The following GSAP variants were observed in gnomAD, a reference collection of about 807,000 sequenced individuals.
GSAP encodes the protein gamma-secretase-activating protein.
In GSAP, 118 loss-of-function variants were observed where a neutral mutation model predicts 131.7. The ratio of observed to expected loss-of-function variants is 0.90; its 90% CI spans 0.77 to 1.04. GSAP has a LOEUF of 1.04. GSAP is among the 50% of genes least tolerant of loss of function. GSAP has a pLI of 0.00. For missense variants in GSAP, 1,019 were observed against 1,013.2 expected (o/e 1.01, Z -0.08); for synonymous variants, 381 against 363.4 (o/e 1.05, Z -0.55).
chr7:77,378,045 T>C (rs752455952), intron 8 of GSAP, among the ~76,000 whole-genome samples: 8 of 152,360 alleles, frequency 5.3e-5, no homozygotes, highest in East Asian at 1.9e-4. Flanking sequence ...CAATGGTGCA[T>C]TGGCATGCTG....
intron 16 of GSAP, 91 bp from the exon 17 acceptor site, chr7:77,353,732 A>T: frequency 2.7e-6 from 2 of 732,670 alleles, no homozygotes; most frequent in Non-Finnish European, 4.7e-6. Context: ...AATCTTTTGC[A>T]TTCTATACCT....
chr7:77,388,566 C>A (rs1255170997), intron 5 of GSAP, among the ~76,000 whole-genome samples: 2 of 152,126 alleles, frequency 1.3e-5, no homozygotes, highest in Non-Finnish European at 2.9e-5. Flanking sequence ...CCCCTTCCCC[C>A]AAGATTACAC....
chr7:77,381,392 A>C, intron 7 of GSAP, 38 bp from the exon 8 acceptor site: 1 of 1,130,556 alleles, frequency 8.8e-7, no homozygotes, highest in Non-Finnish European at 1.3e-6. Context: ...TTTAACCTTA[A>C]GGAAATATAT....
In GSAP at chr7:77,406,008, TA is replaced by T; in HGVS notation, c.186+20del. 2 of 852,242 alleles carry T rather than the reference TA, an allele frequency of 2.3e-6. No homozygotes were observed. Among genetic ancestry groups the T allele is most frequent in the East Asian group, 5.6e-5 (1 of 17,742 alleles). 52.8% of individuals were successfully genotyped at this position (852,242 alleles called of 1,614,324 possible). A position where few individuals can be genotyped will look rare whatever the true frequency, so the allele number is the denominator to read the frequency against. ...CAGTAAATTTTACATCTTACCACAA[TA>T]AAAAAGAATATAGACATACCTTATA... is the stretch of plus-strand genomic sequence containing the variant. On this transcript the variant is annotated intron_variant, in intron 2 of 30. Coordinates refer to ENST00000257626, the MANE Select transcript of GSAP (RefSeq NM_017439.4).
At position 77,377,400 on chromosome 7, in the gene GSAP, C is replaced by CAAAAAAAAAAAAAAAAA; in HGVS notation, c.577-27_577-11dup. The CAAAAAAAAAAAAAAAAA allele has an allele frequency of 2.5e-6, 3 of 1,182,870 alleles. No homozygotes were observed. The highest frequency in any genetic ancestry group is 3.7e-5 in the East Asian group (1 of 27,078). 73.3% of individuals were successfully genotyped at this position (1,182,870 alleles called of 1,614,324 possible). On this transcript the variant is annotated splice_polypyrimidine_tract_variant and intron_variant, in intron 8 of 30. Coordinates refer to ENST00000257626, the MANE Select transcript of GSAP (RefSeq NM_017439.4). ...CAGAATTTTTAATCACCTAAAAATG[C>CAAAAAAAAAAAAAAAAA]AAAAAAAAAAAAAAAAAAAAAAGTA...
Position 77,310,819 on chromosome 7 carries a change from A to G in GSAP, c.*539T>C, listed in dbSNP as rs1179811581. 1 of 137,308 alleles carries G rather than the reference A, an allele frequency of 7.3e-6. No homozygotes were observed. The highest frequency in any genetic ancestry group is 1.7e-5 in the Non-Finnish European group (1 of 59,452). The allele number at this position is 137,308 out of a possible 1,614,324, so 8.5% of individuals were successfully genotyped here. Reference sequence around the variant, plus strand: ...CAACCTTTTATAAATAAAAAAAAATAAATATGTTTCATCTGAATTCACAAA... The same window carrying G: ...CAACCTTTTATAAATAAAAAAAAATGAATATGTTTCATCTGAATTCACAAA... On this transcript the variant is annotated 3_prime_UTR_variant, in exon 31 of 31. Coordinates refer to ENST00000257626, the MANE Select transcript of GSAP (RefSeq NM_017439.4).
intron 19 of GSAP, among the ~76,000 whole-genome samples, chr7:77,340,336 G>A (rs1790717252): frequency 6.6e-6 from 1 of 152,092 alleles, no homozygotes; most frequent in Non-Finnish European, 1.5e-5. Flanking sequence ...CACAAACCCT[G>A]TTTGGTGGTC....
chr7:77,377,665 C>T (rs748520244), intron 8 of GSAP, among the ~76,000 whole-genome samples: 1 of 152,134 alleles, frequency 6.6e-6, no homozygotes, highest in African/African-American at 2.4e-5. Context: ...GAAGACAACA[C>T]CACACCTCCC....
At chr7:77,321,165 T>C (rs944236996) in intron 25 of GSAP, among the ~76,000 whole-genome samples, 168 bp downstream of exon 25, 1 of 152,126 alleles carries the variant, frequency 6.6e-6, no homozygotes, top group African/African-American at 2.4e-5. Context: ...CATTAAAGGG[T>C]ACATATGCAG....
chr7:77,362,902 C>T (rs1794751942), intron 12 of GSAP, among the ~76,000 whole-genome samples: 1 of 152,160 alleles, frequency 6.6e-6, no homozygotes, highest in Admixed American at 6.5e-5. Flanking sequence ...GGAAAATGAA[C>T]ACAGATATAC....
At chr7:77,351,108 C>T (rs1270991139) in intron 18 of GSAP, 1 of 973,818 alleles carries the variant, frequency 1.0e-6, no homozygotes, top group Non-Finnish European at 1.2e-6. Flanking sequence ...AAAAGGGTAT[C>T]ATGGGGACAG....
At chr7:77,416,189 C>A (rs1005378076) in intron 1 of GSAP, 24 bp downstream of exon 1, 3 of 1,236,258 alleles carry the variant, frequency 2.4e-6, no homozygotes, top group Non-Finnish European at 3.3e-6. Flanking sequence ...GCCCCCACCC[C>A]TCTCCGCAGC....
chr7:77,324,138 C>G (rs1387943259), intron 23 of GSAP, among the ~76,000 whole-genome samples: 2 of 152,102 alleles, frequency 1.3e-5, no homozygotes, highest in Non-Finnish European at 2.9e-5. Flanking sequence ...AATGACTGAG[C>G]CAATGGGGGC....
intron 5 of GSAP, among the ~76,000 whole-genome samples, chr7:77,389,314 GTTTGT>G (rs1245948495): frequency 1.2e-4 from 17 of 142,292 alleles, no homozygotes; most frequent in East Asian, 8.0e-4. Context: ...TTTTTTGTTT[GTTTGT>G]TTTGTTTTGT....
chr7:77,329,013 TA>T (rs577226894), intron 21 of GSAP, among the ~76,000 whole-genome samples: 29,585 of 147,210 alleles, frequency 0.2, 3,038 homozygotes, highest in South Asian at 0.26. Flanking sequence ...ACTGACACTT[TA>T]AAAAAAAAAA....
intron 1 of GSAP, among the ~76,000 whole-genome samples, chr7:77,407,352 GAT>G (rs375075039): frequency 1.1e-4 from 17 of 152,208 alleles, no homozygotes; most frequent in African/African-American, 3.9e-4. Context: ...TTATATTGAA[GAT>G]ATGTTTTATA....
chr7:77,395,557 C>T (rs971589331), intron 5 of GSAP, among the ~76,000 whole-genome samples: 9 of 152,038 alleles, frequency 5.9e-5, no homozygotes, highest in South Asian at 2.1e-4. Context: ...GCACCAAAGA[C>T]GGAAGGGGTT....
chr7:77,392,443 G>T (rs1324120927), intron 5 of GSAP, among the ~76,000 whole-genome samples: 1 of 151,516 alleles, frequency 6.6e-6, no homozygotes, highest in Non-Finnish European at 1.5e-5. Flanking sequence ...AGCTACTCGG[G>T]AAACTGAGGC....
At chr7:77,312,988 A>T (rs1034571141) in intron 28 of GSAP, among the ~76,000 whole-genome samples, 1 of 152,072 alleles carries the variant, frequency 6.6e-6, no homozygotes, top group South Asian at 2.1e-4. Flanking sequence ...TCTTCCTACC[A>T]TGTCATATTT....
Sources: allele counts gnomAD v4.1 joint callset (sites outside exome capture counted in the v4.1 genomes callset), GRCh38; gene constraint gnomAD v4.1.1; transcripts MANE v1.5; gene names NCBI Gene and HGNC (gene_info 2026-07-23, HGNC 2026-07-21).